Variants in TMTC3 observed in about 807,000 individuals in gnomAD.
The protein encoded by TMTC3 is transmembrane O-mannosyltransferase targeting cadherins 3, also known as protein O-mannosyl-transferase TMTC3.
Under a neutral mutation model 92.2 loss-of-function variants are expected in TMTC3, and 52 were observed. That is an observed-to-expected ratio of 0.56 (90% CI 0.45 to 0.71). The LOEUF (loss-of-function observed/expected upper bound fraction) is 0.71. Ranked by LOEUF, TMTC3 falls within the 30% of genes least tolerant of loss-of-function variation. The pLI, the probability that TMTC3 is intolerant of heterozygous loss-of-function variation, is 0.00. For synonymous variants in TMTC3, 339 were observed against 363.3 expected (o/e 0.93, Z 0.76); for missense variants, 896 against 1,057.1 (o/e 0.85, Z 2.11).
chr12:88,154,810 A>C (rs2040986114), intron 4 of TMTC3, among the ~76,000 whole-genome samples: 1 of 152,186 alleles, frequency 6.6e-6, no homozygotes, highest in African/African-American at 2.4e-5. Context: ...TGTGTTGATC[A>C]TAGCTATTTA....
At chr12:88,184,373 T>A (rs1463541638) in intron 10 of TMTC3, among the ~76,000 whole-genome samples, 1 of 152,226 alleles carries the variant, frequency 6.6e-6, no homozygotes, top group Non-Finnish European at 1.5e-5. Context: ...TTACATTCCC[T>A]TATCTACTCT....
chr12:88,194,385 T>A (rs1317135903), intron 13 of TMTC3, among the ~76,000 whole-genome samples: 1 of 152,222 alleles, frequency 6.6e-6, no homozygotes, highest in East Asian at 1.9e-4. Flanking sequence ...TACTATTTGC[T>A]GAACATTTTT....
At chr12:88,164,843 C>CT (rs775487448) in intron 6 of TMTC3, among the ~76,000 whole-genome samples, 13 of 152,146 alleles carry the variant, frequency 8.5e-5, no homozygotes, top group Non-Finnish European at 1.5e-4. Flanking sequence ...TTTCACATAA[C>CT]TATCCTCCCT....
At chr12:88,183,101 G>A (rs1313808073) in intron 10 of TMTC3, among the ~76,000 whole-genome samples, 2 of 152,112 alleles carry the variant, frequency 1.3e-5, no homozygotes, top group Non-Finnish European at 2.9e-5. Context: ...GGTTCTGTAT[G>A]GCTGGCTTTT....
rs1451541016 is a variant in TMTC3 at position 88,192,791 on chromosome 12, C to A, written c.1894C>A (p.Leu632Ile). 6.2e-7 allele frequency: 1 copy of A among 1,613,034 alleles called. No homozygotes were observed. Among genetic ancestry groups the A allele is most frequent in the African/African-American group, 1.3e-5 (1 of 75,004 alleles). ...TCTGGAACTAAATCCAAAGCATAAA[C>A]TAGCATTATTCAACTCTGCTATAGT... ...RALELNPKHK[L>I]ALFNSAIVMQ... Residue 632 changes from leucine (L) to isoleucine (I), a missense_variant, in exon 13 of 14, where the codon CTA becomes ATA. Physicochemically the swap from Leu to Ile is conservative, Grantham distance 5 (BLOSUM62 2). Coordinates refer to ENST00000266712, the MANE Select transcript of TMTC3 (RefSeq NM_181783.4).
intron 11 of TMTC3, among the ~76,000 whole-genome samples, chr12:88,189,536 G>C (rs2041419908): frequency 6.6e-6 from 1 of 152,006 alleles, no homozygotes; most frequent in African/African-American, 2.4e-5. Context: ...TGTATATTAA[G>C]CATACAGTTC....
chr12:88,196,987 A>G lies in TMTC3; in HGVS notation c.*1338A>G, dbSNP rs893068352. ...GATTTTTTTTCTTGAATTAAAGTAC[A>G]TTTTAAATGAGCTTTATAATACCTT... On this transcript the variant is annotated 3_prime_UTR_variant, in exon 14 of 14. Coordinates refer to ENST00000266712, the MANE Select transcript of TMTC3 (RefSeq NM_181783.4). 1.3e-5 allele frequency: 2 copies of G among 152,224 alleles called. No homozygotes were observed. The highest frequency in any genetic ancestry group is 6.6e-5 in the Admixed American group (1 of 15,244). The allele number at this position is 152,224 out of a possible 1,614,324, so 9.4% of individuals were successfully genotyped here.
intron 10 of TMTC3, among the ~76,000 whole-genome samples, chr12:88,186,770 T>C (rs2041382279): frequency 6.6e-6 from 1 of 152,194 alleles, no homozygotes; most frequent in African/African-American, 2.4e-5. Flanking sequence ...AGAAATTAGG[T>C]CTTTCATTTT....
intron 1 of TMTC3, among the ~76,000 whole-genome samples, chr12:88,146,221 T>C (rs983727055): frequency 6.6e-5 from 10 of 152,146 alleles, no homozygotes; most frequent in Non-Finnish European, 1.2e-4. Flanking sequence ...ATGCTCTCTC[T>C]CCCTTTCTCT....
At chr12:88,187,873 T>C (rs1244733186) in intron 10 of TMTC3, among the ~76,000 whole-genome samples, 2 of 152,222 alleles carry the variant, frequency 1.3e-5, no homozygotes, top group Non-Finnish European at 2.9e-5. Context: ...TAAGATCTTC[T>C]ACCTTCCTTC....
chr12:88,190,676 A>G (rs959575918), intron 12 of TMTC3, 54 bp downstream of exon 12: 31 of 1,513,968 alleles, frequency 2.0e-5, no homozygotes, highest in Non-Finnish European at 2.7e-5. Context: ...CTGCATCTCC[A>G]TGTACATTTT....
chr12:88,160,749 T>C lies in TMTC3; in HGVS notation c.695T>C (p.Met232Thr). 6.2e-7 allele frequency: 1 copy of C among 1,613,700 alleles called. No individual in the cohort carries two copies. ...GGAAAGGGTAGCATTCCATTTTCTATGCTGCAGACACTAGTAAAACTCATT... is the reference window on the plus strand; with the variant it reads ...GGAAAGGGTAGCATTCCATTTTCTACGCTGCAGACACTAGTAAAACTCATT... Reference protein sequence around the residue: ...LRGKGSIPFSMLQTLVKLIVL... With the variant: ...LRGKGSIPFSTLQTLVKLIVL... Residue 232 changes from methionine to threonine, a missense_variant, in exon 6 of 14, where the codon ATG becomes ACG. Physicochemically the swap from Met to Thr is moderately conservative, Grantham distance 81. Coordinates refer to ENST00000266712, the MANE Select transcript of TMTC3 (RefSeq NM_181783.4).
chr12:88,193,803 C>A (rs761002211), intron 13 of TMTC3, among the ~76,000 whole-genome samples: 3 of 152,106 alleles, frequency 2.0e-5, no homozygotes, highest in African/African-American at 7.2e-5. Flanking sequence ...GTAAGGTTTT[C>A]TACCTTGATA....
At chr12:88,171,682 C>G (rs2041206876) in intron 7 of TMTC3, among the ~76,000 whole-genome samples, 1 of 152,108 alleles carries the variant, frequency 6.6e-6, no homozygotes, top group Non-Finnish European at 1.5e-5. Flanking sequence ...GGTCAGATCT[C>G]TCTTCAACAT....
chr12:88,177,678 A>G (rs2138416564), intron 10 of TMTC3, among the ~76,000 whole-genome samples: 1 of 152,298 alleles, frequency 6.6e-6, no homozygotes, highest in East Asian at 1.9e-4. Flanking sequence ...ATGGCCCCCC[A>G]TCCACCAAAT....
chr12:88,169,339 A>G (rs1300156301), intron 7 of TMTC3, among the ~76,000 whole-genome samples: 2 of 152,220 alleles, frequency 1.3e-5, no homozygotes, highest in East Asian at 1.9e-4. Flanking sequence ...TCCTAAAAGA[A>G]AGGTTAAAAA....
rs922592579 is a variant in TMTC3 at position 88,195,462 on chromosome 12, C to A, written c.2558C>A (p.Ser853Tyr). Residue 853 changes from serine (S) to tyrosine (Y), a missense_variant, in exon 14 of 14, where the codon TCC becomes TAC. By Grantham distance (144) the Ser-to-Tyr change is moderately radical. Coordinates refer to ENST00000266712, the MANE Select transcript of TMTC3 (RefSeq NM_181783.4). ...TESVKEIRGE[S>Y]RQTQIVKTSD... ...AGTGTAAAAGAAATTAGAGGTGAAT[C>A]CAGACAAACACAAATAGTAAAAACA... 2 of 1,612,762 alleles carry A rather than the reference C, an allele frequency of 1.2e-6. No individual in the cohort carries two copies. Among genetic ancestry groups the A allele is most frequent in the Non-Finnish European group, 1.7e-6 (2 of 1,179,654 alleles).
At chr12:88,186,046 G>A (rs2041374289) in intron 10 of TMTC3, among the ~76,000 whole-genome samples, 1 of 152,018 alleles carries the variant, frequency 6.6e-6, no homozygotes, top group South Asian at 2.1e-4. Flanking sequence ...TTGTGGACAG[G>A]AAATACTGAA....
chr12:88,164,432 T>C (rs1234605175), intron 6 of TMTC3, among the ~76,000 whole-genome samples: 1 of 152,034 alleles, frequency 6.6e-6, no homozygotes, highest in African/African-American at 2.4e-5. Flanking sequence ...ACTAAACTCT[T>C]TCCAGAAAAA....
Sources: allele counts gnomAD v4.1 joint callset (sites outside exome capture counted in the v4.1 genomes callset), GRCh38; gene constraint gnomAD v4.1.1; transcripts MANE v1.5; gene names NCBI Gene and HGNC (gene_info 2026-07-23, HGNC 2026-07-21).